Variants in FOXK1 observed in about 807,000 individuals in gnomAD.
FOXK1 encodes forkhead box protein K1.
A neutral mutation model predicts 51.9 loss-of-function variants in FOXK1; 19 were observed. That is an observed-to-expected ratio of 0.37 (90% CI 0.26 to 0.54). The LOEUF (loss-of-function observed/expected upper bound fraction) is 0.54. Among genes scored for constraint, FOXK1 ranks in the 20% least tolerant of loss-of-function variants. FOXK1 has a pLI of 0.87. For synonymous variants in FOXK1, 537 were observed against 482.6 expected (o/e 1.11, Z -1.48); for missense variants, 870 against 1,032.7 (o/e 0.84, Z 2.16).
chr7:4,698,886 C>T (rs1445957977), intron 1 of FOXK1, among the ~76,000 whole-genome samples: 1 of 152,170 alleles, frequency 6.6e-6, no homozygotes, highest in Non-Finnish European at 1.5e-5. Flanking sequence ...TGGGGTCTTG[C>T]TGTGTTGCCC....
At chr7:4,741,790 C>A (rs182247607) in intron 2 of FOXK1, among the ~76,000 whole-genome samples, 2 of 152,246 alleles carry the variant, frequency 1.3e-5, no homozygotes, top group Admixed American at 1.3e-4. Context: ...AATGATGAGC[C>A]CCTGAGTAGG....
At chr7:4,710,828 C>T (rs1009204962) in intron 1 of FOXK1, among the ~76,000 whole-genome samples, 1 of 152,162 alleles carries the variant, frequency 6.6e-6, no homozygotes, top group African/African-American at 2.4e-5. Context: ...CACCAGTTCC[C>T]ACCACTGAGA....
intron 1 of FOXK1, among the ~76,000 whole-genome samples, chr7:4,737,552 CTGTGTG>C (rs146678822): frequency 6.7e-5 from 10 of 148,986 alleles, no homozygotes; most frequent in African/African-American, 2.2e-4. Flanking sequence ...GTGTGCGTGC[CTGTGTG>C]TGTGTGTGTG....
At chr7:4,694,496 G>A (rs537343188) in intron 1 of FOXK1, among the ~76,000 whole-genome samples, 36 of 152,128 alleles carry the variant, frequency 2.4e-4, no homozygotes, top group African/African-American at 8.0e-4. Flanking sequence ...TTTGTATCAC[G>A]AGGGGGAAAG....
Position 4,691,876 on chromosome 7 carries a change from T to C in FOXK1, c.560+9008T>C, listed in dbSNP as rs889416869. ...GTCCTCTAACCTGTTCCCCTAAGTG[T>C]CAAAGGGCATGGTTCTCTTTGGGCA... On this transcript the variant is annotated intron_variant, in intron 1 of 8. Transcript: ENST00000328914. Among the ~76,000 whole-genome samples, 3 of 152,142 alleles carry C rather than the reference T, an allele frequency of 2.0e-5. No individual in the cohort carries two copies. The South Asian group carries it at 6.2e-4, about 32-fold the overall frequency.
At chr7:4,689,973 T>G (rs1177558350) in intron 1 of FOXK1, among the ~76,000 whole-genome samples, 1 of 152,206 alleles carries the variant, frequency 6.6e-6, no homozygotes, top group Non-Finnish European at 1.5e-5. Context: ...ATCAGTCTCT[T>G]TCCAGCGAGT....
intron 2 of FOXK1, among the ~76,000 whole-genome samples, chr7:4,744,947 C>T (rs900084750): frequency 2.6e-5 from 4 of 152,260 alleles, no homozygotes; most frequent in Non-Finnish European, 4.4e-5. Flanking sequence ...TTTATCTTAG[C>T]ACCCTGGAAT....
rs1423606820 is a variant in FOXK1, at chr7:4,767,540, A to G, written c.*5076A>G. The stretch of plus-strand genomic sequence containing the variant: ...TGCTCACATGTGCTGCTATGAAGAC[A>G]GGATTAGTCTGTAGACGGGACTCAG... On this transcript the variant is annotated 3_prime_UTR_variant, in exon 9 of 9. Coordinates refer to ENST00000328914, the MANE Select transcript of FOXK1 (RefSeq NM_001037165.2). The surrounding 1 kb of genome is among the most constrained non-coding windows in gnomAD (Gnocchi z 6.6). The G allele has an allele frequency of 6.6e-6, 1 of 152,270 alleles. No homozygotes were observed. The highest frequency in any genetic ancestry group is 1.5e-5 in the Non-Finnish European group (1 of 68,050). The allele number at this position is 152,270 out of a possible 1,614,324, so 9.4% of individuals were successfully genotyped here. A position where few individuals can be genotyped will look rare whatever the true frequency, so the allele number is the denominator to read the frequency against.
intron 1 of FOXK1, among the ~76,000 whole-genome samples, chr7:4,724,295 C>T (rs950529919): frequency 1.8e-4 from 28 of 152,080 alleles, no homozygotes; most frequent in African/African-American, 6.8e-4. Flanking sequence ...TCCCGGGTTC[C>T]GGAGATTCTC....
intron 1 of FOXK1, among the ~76,000 whole-genome samples, chr7:4,721,417 A>C (rs1435707215): frequency 6.6e-6 from 1 of 152,098 alleles, no homozygotes; most frequent in Non-Finnish European, 1.5e-5. Flanking sequence ...TGCAGGTGAC[A>C]GTGGCTCAGT....
chr7:4,752,961 T>G (rs573125238), intron 2 of FOXK1, among the ~76,000 whole-genome samples: 7 of 152,368 alleles, frequency 4.6e-5, no homozygotes, highest in African/African-American at 1.2e-4. Context: ...TATTTTGGAT[T>G]CAGAACTAAA....
At chr7:4,694,040 T>C (rs557104829) in intron 1 of FOXK1, among the ~76,000 whole-genome samples, 1 of 151,914 alleles carries the variant, frequency 6.6e-6, no homozygotes, top group African/African-American at 2.4e-5. Context: ...CTTCCATGCC[T>C]GGCTAATTTT....
At chr7:4,712,635 C>G (rs1360878866) in intron 1 of FOXK1, among the ~76,000 whole-genome samples, 2 of 152,120 alleles carry the variant, frequency 1.3e-5, no homozygotes, top group Admixed American at 6.6e-5. Context: ...AAAGACTGGT[C>G]ATGTTTGTCT....
In FOXK1 at chr7:4,764,239, C is replaced by T. The variant is rs1357844211; in HGVS notation, c.*1775C>T. The T allele has an allele frequency of 2.6e-5, 4 of 154,402 alleles. No homozygotes were observed. The highest frequency in any genetic ancestry group is 9.6e-5 in the African/African-American group (4 of 41,510). The allele number at this position is 154,402 out of a possible 1,614,324, so 9.6% of individuals were successfully genotyped here. A position where few individuals can be genotyped will look rare whatever the true frequency, so the allele number is the denominator to read the frequency against. On this transcript the variant is annotated 3_prime_UTR_variant, in exon 9 of 9. Transcript: ENST00000328914. ...GGACAAGTGCAGAACCTCTGTGGGC[C>T]CCCTCCTTCCACCTAGATAGAGAAA...
chr7:4,714,275 A>G (rs560330265), intron 1 of FOXK1, among the ~76,000 whole-genome samples: 111 of 151,414 alleles, frequency 7.3e-4, no homozygotes, highest in African/African-American at 2.4e-3. Flanking sequence ...CCCTATTTTC[A>G]CTGTGTGTGT....
intron 1 of FOXK1, among the ~76,000 whole-genome samples, chr7:4,724,855 C>T (rs1333474344): frequency 6.6e-6 from 1 of 152,244 alleles, no homozygotes; most frequent in African/African-American, 2.4e-5. Context: ...TTCTGAGACT[C>T]CCACGAGGGC....
intron 2 of FOXK1, among the ~76,000 whole-genome samples, chr7:4,744,315 T>C (rs768100367): frequency 5.3e-5 from 8 of 152,284 alleles, no homozygotes; most frequent in Admixed American, 4.6e-4. Context: ...GACATGGGTA[T>C]ATTACTGGTG....
At chr7:4,689,165 A>G (rs1779859413) in intron 1 of FOXK1, among the ~76,000 whole-genome samples, 2 of 151,846 alleles carry the variant, frequency 1.3e-5, no homozygotes, top group Non-Finnish European at 2.9e-5. Flanking sequence ...TTTAGTAGAG[A>G]GGGGGTTTCG....
rs189489406 is a variant in FOXK1 at position 4,758,965 on chromosome 7, C to T, written c.1245-86C>T. The T allele has an allele frequency of 3.2e-4, 448 of 1,421,768 alleles. 4 individuals carry two copies. The East Asian group carries it at 9.1e-3, about 29-fold the overall frequency. 88.1% of individuals were successfully genotyped at this position (1,421,768 alleles called of 1,614,324 possible). On this transcript the variant is annotated intron_variant, in intron 5 of 8. Transcript: ENST00000328914. This position sits in a 1 kb window ranked among gnomAD's most constrained non-coding sequence, Gnocchi z 4.4. ...AGCTCCAGGGAGCGTGGGCGGGTGA[C>T]GGCGCTGAGATGCGTGATGTCTCGG...
Sources: gnomAD v4.1 joint callset for allele counts (sites outside exome capture counted in the v4.1 genomes callset) on GRCh38, gnomAD v4.1.1 for gene constraint, Gnocchi (gnomAD v3.1) non-coding constraint, MANE v1.5 for transcripts, NCBI Gene and HGNC (gene_info 2026-07-23, HGNC 2026-07-21) for gene names.